Variants in GPRIN2 observed in about 807,000 individuals in gnomAD.
GPRIN2 encodes the protein G protein-regulated inducer of neurite outgrowth 2.
In GPRIN2, 1 loss-of-function variant was observed where a neutral mutation model predicts 0.3. That is an observed-to-expected ratio of 3.90 (90% CI 1.39 to 18.51). The LOEUF is 18.51. Ranked by LOEUF, GPRIN2 falls within the 30% of genes most tolerant of loss-of-function variation. GPRIN2 has a pLI of 0.11. For synonymous variants in GPRIN2, 361 were observed against 258.6 expected, an observed-to-expected ratio of 1.40 and a Z score of -3.80; for missense variants, 880 against 604.2, an observed-to-expected ratio of 1.46 and a Z score of -4.79.
intron 2 of GPRIN2, among the ~76,000 whole-genome samples, chr10:46,552,339 G>T (rs906230996): frequency 6.6e-6 from 1 of 152,312 alleles, no homozygotes; most frequent in Admixed American, 6.5e-5. Context: ...GGCAGGAGAG[G>T]TGGGAGAAAC....
At position 46,549,578 on chromosome 10, in the gene GPRIN2, C is replaced by CA; in HGVS notation, c.1158dup (p.Glu387Ter). 6.2e-7 allele frequency: 1 copy of CA among 1,614,164 alleles called. No homozygotes were observed. The highest frequency in any genetic ancestry group is 8.5e-7 in the Non-Finnish European group (1 of 1,179,944). ...CCGTACACCTCCCATGTCATGCCCT[C>CA]AGCATCCCATCGCACATCCCGCACA... On this transcript the variant is annotated frameshift_variant, in exon 3 of 3. Coordinates refer to ENST00000374314, the MANE Select transcript of GPRIN2 (RefSeq NM_001385282.1). LOFTEE classifies it high-confidence loss of function.
chr10:46,557,547 C>G (rs1831736234), upstream of GPRIN2, among the ~76,000 whole-genome samples: 14 of 152,298 alleles, frequency 9.2e-5, no homozygotes, highest in Non-Finnish European at 1.9e-4. Context: ...GGGGATGAGC[C>G]ACCTCCACTG....
chr10:46,550,856 G>A (rs1842516840), intron 2 of GPRIN2, 114 bp from the exon 3 acceptor site: 7 of 1,229,092 alleles, frequency 5.7e-6, no homozygotes, highest in Non-Finnish European at 7.7e-6. Flanking sequence ...TTCAGTCCCA[G>A]CCTGCCTGAC....
rs1377077310 is a variant in GPRIN2 at position 46,549,101 on chromosome 10, G to GC, written c.*258dup. ...ACTCAGGATCTCCCCTCTGCACAGT[G>GC]CTAAAGCCCTGTCTCAAAGTTCAGA... On this transcript the variant is annotated 3_prime_UTR_variant, in exon 3 of 3. Transcript: ENST00000374314. The GC allele has an allele frequency of 2.1e-6, 1 of 482,846 alleles. No individual in the cohort carries two copies. Among genetic ancestry groups the GC allele is most frequent in the Non-Finnish European group, 3.7e-6 (1 of 272,382 alleles). The allele number at this position is 482,846 out of a possible 1,614,324, so 29.9% of individuals were successfully genotyped here. A position where few individuals can be genotyped will look rare whatever the true frequency, so the allele number is the denominator to read the frequency against.
chr10:46,550,100 C>T lies in GPRIN2; in HGVS notation c.637G>A (p.Ala213Thr). The stretch of plus-strand genomic sequence containing the variant: ...AGCTGTTCAGCAGCTTTGGGCTCAG[C>T]CTGGGCACTGCTGCTGTGGGCAGTT... ...DTTAHSSSAQ[A>T]EPKAAEQLAT... The change falls in exon 3 of 3, where the codon GCT becomes ACT. Residue 213 changes from alanine (A) to threonine (T), a missense_variant. Transcript: ENST00000374314. 5.0e-6 allele frequency: 8 copies of T among 1,612,492 alleles called. No individual in the cohort carries two copies. Among genetic ancestry groups the T allele is most frequent in the Non-Finnish European group, 5.9e-6 (7 of 1,179,484 alleles).
At chr10:46,550,956 C>A (rs1364961576) in intron 2 of GPRIN2, among the ~76,000 whole-genome samples, 2 of 152,304 alleles carry the variant, frequency 1.3e-5, no homozygotes, top group African/African-American at 2.4e-5. Flanking sequence ...GATGACACTG[C>A]AAATTATCTC....
rs1832469179 is a variant in GPRIN2 at position 46,550,137 on chromosome 10, G to A, written c.600C>T (p.Asp200=). The A allele has an allele frequency of 3.1e-6, 5 of 1,604,490 alleles. No individual in the cohort carries two copies. Among genetic ancestry groups the A allele is most frequent in the East Asian group, 2.2e-5 (1 of 44,716 alleles). ...TGCTGTGGGCAGTTGTGTCCCCCAG[G>A]TCTAGTGGTGGCACTGACAACTGAC... ...GASQLSVPPL[D]LGDTTAHSSS... is the part of the protein sequence containing the mutation. Residue 200 remains aspartate, a synonymous_variant, in exon 3 of 3, where the codon GAC becomes GAT. Transcript: ENST00000374314.
rs1489952583 is a variant in GPRIN2 at position 46,549,192 on chromosome 10, G to T, written c.*168C>A. 1.2e-5 allele frequency: 11 copies of T among 880,394 alleles called. No homozygotes were observed. The highest frequency in any genetic ancestry group is 3.0e-5 in the East Asian group (1 of 33,294). The allele number at this position is 880,394 out of a possible 1,614,324, so 54.5% of individuals were successfully genotyped here. On this transcript the variant is annotated 3_prime_UTR_variant, in exon 3 of 3. Transcript: ENST00000374314. ...CTTAAGAAAACAGCCCAGCTGTGTA[G>T]GGCCGGAAGCCCCAGGCTGCAGTCC...
At chr10:46,551,688 C>T (rs1842628373) in intron 2 of GPRIN2, among the ~76,000 whole-genome samples, 1 of 152,312 alleles carries the variant, frequency 6.6e-6, no homozygotes, top group East Asian at 1.9e-4. Context: ...TCATTGTCCC[C>T]CACCCTCCGT....
rs782402737 is a variant in GPRIN2, at chr10:46,549,567, T to G, written c.1170A>C (p.Thr390=). The change falls in exon 3 of 3, where the codon ACA becomes ACC. Residue 390 remains threonine, a synonymous_variant. Coordinates refer to ENST00000374314, the MANE Select transcript of GPRIN2 (RefSeq NM_001385282.1). The stretch of plus-strand genomic sequence containing the variant: ...CCACCGCAGCTCCGTACACCTCCCA[T>G]GTCATGCCCTCAGCATCCCATCGCA... The part of the protein sequence containing the change: ...RDVRWDAEGM[T]WEVYGAAVDL... 1.2e-6 allele frequency: 2 copies of G among 1,614,018 alleles called. No homozygotes were observed. The highest frequency in any genetic ancestry group is 1.3e-5 in the African/African-American group (1 of 74,964).
intron 2 of GPRIN2, among the ~76,000 whole-genome samples, chr10:46,551,194 G>A (rs1172705294): frequency 5.3e-5 from 8 of 152,306 alleles, no homozygotes; most frequent in South Asian, 2.1e-4. Flanking sequence ...GGGCACAGCT[G>A]GACAGGCCAA....
rs1431123985 is a variant in GPRIN2, at chr10:46,545,836, G to A, written c.*3524C>T. 6.6e-6 allele frequency among the ~76,000 whole-genome samples: 1 copy of A among 152,308 alleles called. No homozygotes were observed. Among genetic ancestry groups the A allele is most frequent in the Non-Finnish European group, 1.5e-5 (1 of 68,054 alleles). ...ATCTCCACACCAAGCATGTGAAGGA[G>A]GCACCATTGTCATCCCCATCTTACA... On this transcript the variant is annotated 3_prime_UTR_variant, in exon 3 of 3. Transcript: ENST00000374314.
chr10:46,550,805 A>C lies in GPRIN2; in HGVS notation c.-6-63T>G, dbSNP rs1292784515. On this transcript the variant is annotated intron_variant, in intron 2 of 2. Transcript: ENST00000374314. ...GGGTGGCAGCACCTAAGCCGATTCT[A>C]CTATGAACTCCCACAGTGCTAGGTT... is the stretch of plus-strand genomic sequence containing the variant. 4 of 1,470,072 alleles carry C rather than the reference A, an allele frequency of 2.7e-6. No homozygotes were observed. The East Asian group carries it at 9.6e-5, about 35-fold the overall frequency. 91.1% of individuals were successfully genotyped at this position (1,470,072 alleles called of 1,614,324 possible).
chr10:46,556,860 C>T (rs1333897236), upstream of GPRIN2, among the ~76,000 whole-genome samples: 3 of 152,402 alleles, frequency 2.0e-5, no homozygotes, highest in African/African-American at 7.2e-5. Context: ...CGGCCCCGCC[C>T]GCACCACGAC....
chr10:46,549,830 CT>C lies in GPRIN2; in HGVS notation c.906del (p.Val303SerfsTer14). ...TTGGTCCTAGAGCCAGGCTCTGGGA[CT>C]AACCCAGCGGGACCCCAAAGGTGGG... is the stretch of plus-strand genomic sequence containing the variant. ...CCAHLWGPAGLVPEPGSRTKD... is the reference protein window; with the variant it reads ...CCAHLWGPAGXVPEPGSRTKD... On this transcript the variant is annotated frameshift_variant, in exon 3 of 3. Coordinates refer to ENST00000374314, the MANE Select transcript of GPRIN2 (RefSeq NM_001385282.1). LOFTEE classifies it low-confidence loss of function (END_TRUNC). 6.2e-7 allele frequency: 1 copy of C among 1,614,244 alleles called. No individual in the cohort carries two copies. Among genetic ancestry groups the C allele is most frequent in the Non-Finnish European group, 8.5e-7 (1 of 1,180,062 alleles).
At chr10:46,551,879 T>G (rs1842653637) in intron 2 of GPRIN2, among the ~76,000 whole-genome samples, 1 of 152,310 alleles carries the variant, frequency 6.6e-6, no homozygotes, top group African/African-American at 2.4e-5. Context: ...TTTGGCCAAC[T>G]GTCAGCCTCC....
rs939143228 is a variant in GPRIN2 at position 46,549,350 on chromosome 10, C to G, written c.*10G>C. The G allele has an allele frequency of 6.1e-6, 9 of 1,467,092 alleles. No homozygotes were observed. Among genetic ancestry groups the G allele is most frequent in the African/African-American group, 1.4e-5 (1 of 70,040 alleles). The allele number at this position is 1,467,092 out of a possible 1,614,324, so 90.9% of individuals were successfully genotyped here. ...AGTGGGCCCAGGCCAGCTCCAAGGGCCACAGCTCCTCACTCGGGGGCCGCG... is the reference window on the plus strand; with the variant it reads ...AGTGGGCCCAGGCCAGCTCCAAGGGGCACAGCTCCTCACTCGGGGGCCGCG... On this transcript the variant is annotated 3_prime_UTR_variant, in exon 3 of 3. Transcript: ENST00000374314.
At position 46,548,325 on chromosome 10, in the gene GPRIN2, C is replaced by T. The variant is rs1842355311; in HGVS notation, c.*1035G>A. Among the ~76,000 whole-genome samples, 1 of 152,394 alleles carries T rather than the reference C, an allele frequency of 6.6e-6. No individual in the cohort carries two copies. The highest frequency in any genetic ancestry group is 1.5e-5 in the Non-Finnish European group (1 of 68,042). The stretch of plus-strand genomic sequence containing the variant: ...GGTCATGTGGGCAAGCGAGCCCCCA[C>T]AGCCTCACAGCCCCTACCCCAGGGC... On this transcript the variant is annotated 3_prime_UTR_variant, in exon 3 of 3. Coordinates refer to ENST00000374314, the MANE Select transcript of GPRIN2 (RefSeq NM_001385282.1).
At chr10:46,553,504 G>C (rs938676728) in intron 2 of GPRIN2, among the ~76,000 whole-genome samples, 2 of 152,292 alleles carry the variant, frequency 1.3e-5, no homozygotes, top group Non-Finnish European at 2.9e-5. Context: ...CTCCCAGGGA[G>C]GGGGGCCATA....
Sources: gnomAD v4.1 joint callset for allele counts (sites outside exome capture counted in the v4.1 genomes callset) on GRCh38, gnomAD v4.1.1 for gene constraint, MANE v1.5 for transcripts, NCBI Gene and HGNC (gene_info 2026-07-23, HGNC 2026-07-21) for gene names.